Variants in NTRK1 observed in about 807,000 individuals in gnomAD.
The protein encoded by NTRK1 is neurotrophic receptor tyrosine kinase 1.
A neutral mutation model predicts 86.8 loss-of-function variants in NTRK1; 62 were observed. That is an observed-to-expected ratio of 0.71 (90% CI 0.58 to 0.88). The LOEUF is 0.88. NTRK1 is among the 40% of genes least tolerant of loss of function. The pLI, the probability that NTRK1 is intolerant of heterozygous loss-of-function variation, is 0.00. For missense variants in NTRK1, 967 were observed against 1,078.4 expected (o/e 0.90, Z 1.45); for synonymous variants, 469 against 456.6 (o/e 1.03, Z -0.35).
Position 156,854,027 on chromosome 1 carries a change from G to A in NTRK1, c.51-10327G>A. On this transcript the variant is annotated intron_variant, in intron 2 of 16. Coordinates refer to the NTRK1 transcript ENST00000392302. The surrounding 1 kb of genome is among the most constrained non-coding windows in gnomAD (Gnocchi z 4.2). ...AGGCAGTGCCACGTCACGCAGATGTGGCATCTCAAAGATGACCAGTGCATA... is the reference window on the plus strand; with the variant it reads ...AGGCAGTGCCACGTCACGCAGATGTAGCATCTCAAAGATGACCAGTGCATA... The A allele has an allele frequency of 5.0e-6, 8 of 1,614,046 alleles. No homozygotes were observed. Among genetic ancestry groups the A allele is most frequent in the Non-Finnish European group, 6.8e-6 (8 of 1,179,994 alleles).
At chr1:156,869,714 A>T (rs1470782561) in intron 6 of NTRK1, among the ~76,000 whole-genome samples, 1 of 152,192 alleles carries the variant, frequency 6.6e-6, no homozygotes, top group Non-Finnish European at 1.5e-5. Flanking sequence ...TTATCCATAC[A>T]TGCCTTTGGA....
At chr1:156,827,554 ACCTGG>A (rs1188300606) in intron 1 of NTRK1, among the ~76,000 whole-genome samples, 3 of 152,192 alleles carry the variant, frequency 2.0e-5, no homozygotes, top group Admixed American at 2.0e-4. Flanking sequence ...GAACCACTGC[ACCTGG>A]CCTATTTTTA....
Position 156,840,506 on chromosome 1 carries a change from G to A in NTRK1, c.-63-1575G>A, listed in dbSNP as rs149209931. The stretch of plus-strand genomic sequence containing the variant: ...TTGCTCATCTGATTTCAAACATGTC[G>A]CTGGCCCTACCTGTCCAGAGGAGAC... On this transcript the variant is annotated intron_variant, in intron 1 of 16. Coordinates refer to the NTRK1 transcript ENST00000392302. The A allele has an allele frequency of 5.6e-4, 123 of 221,600 alleles. 2 individuals carry two copies. Among genetic ancestry groups the A allele is most frequent in the African/African-American group, 2.7e-3 (114 of 42,124 alleles). 13.7% of individuals were successfully genotyped at this position (221,600 alleles called of 1,614,324 possible).
chr1:156,838,272 C>T (rs553144799), intron 1 of NTRK1, among the ~76,000 whole-genome samples: 19 of 152,090 alleles, frequency 1.2e-4, no homozygotes, highest in Admixed American at 8.5e-4. Flanking sequence ...CACCCATTCT[C>T]GGGTGGAAGA....
At chr1:156,822,491 G>T (rs759021297) in intron 1 of NTRK1, among the ~76,000 whole-genome samples, 4 of 151,774 alleles carry the variant, frequency 2.6e-5, no homozygotes, top group Non-Finnish European at 5.9e-5. Context: ...GAGCCCAGTG[G>T]TTGGAGGCTG....
upstream of NTRK1, among the ~76,000 whole-genome samples, chr1:156,858,380 C>A (rs1167314616): frequency 6.6e-6 from 1 of 152,220 alleles, no homozygotes; most frequent in Non-Finnish European, 1.5e-5. Flanking sequence ...GGGGAACTAA[C>A]TGCTTTTCCT....
At chr1:156,847,329 G>A (rs1360335650) in intron 2 of NTRK1, among the ~76,000 whole-genome samples, 1 of 152,222 alleles carries the variant, frequency 6.6e-6, no homozygotes, top group East Asian at 1.9e-4. Context: ...GGGAAATTAA[G>A]GGGCCAGAGG....
At chr1:156,841,953 C>G (rs1298238168) in intron 1 of NTRK1, 11 of 1,547,842 alleles carry the variant, frequency 7.1e-6, no homozygotes, top group Non-Finnish European at 9.8e-6. Context: ...CCCATCCAAA[C>G]CCCTCTGCCC....
chr1:156,867,934 A>G (rs934549958), intron 4 of NTRK1, among the ~76,000 whole-genome samples, 170 bp from the exon 5 acceptor site: 22 of 152,146 alleles, frequency 1.4e-4, no homozygotes, highest in African/African-American at 4.1e-4. Flanking sequence ...CGGCCTCCCA[A>G]TGGCCTATTT....
intron 1 of NTRK1, among the ~76,000 whole-genome samples, chr1:156,820,778 G>T (rs1255242253): frequency 6.6e-6 from 1 of 152,116 alleles, no homozygotes; most frequent in Non-Finnish European, 1.5e-5. Flanking sequence ...CTCTTTTTTG[G>T]TTCCATGTGA....
chr1:156,877,279 A>G (rs1160010659), intron 14 of NTRK1, among the ~76,000 whole-genome samples: 1 of 152,254 alleles, frequency 6.6e-6, no homozygotes, highest in Non-Finnish European at 1.5e-5. Context: ...GCCTCCAAGC[A>G]TATATTGCAA....
intron 6 of NTRK1, among the ~76,000 whole-genome samples, chr1:156,870,245 A>G (rs532272712): frequency 2.2e-4 from 34 of 152,290 alleles, no homozygotes; most frequent in African/African-American, 7.7e-4. Flanking sequence ...TCTAGAAACT[A>G]CCTATACAAA....
chr1:156,825,689 A>G (rs1654299400), intron 1 of NTRK1, among the ~76,000 whole-genome samples: 2 of 152,218 alleles, frequency 1.3e-5, no homozygotes, highest in South Asian at 4.1e-4. Context: ...ACAAGTGAGA[A>G]AACTGAGATC....
chr1:156,846,697 G>A (rs773925911), intron 2 of NTRK1: 3 of 1,614,154 alleles, frequency 1.9e-6, no homozygotes, highest in Non-Finnish European at 2.5e-6. Flanking sequence ...CATCCAGCAG[G>A]TTCCAGCTCT....
In NTRK1 at chr1:156,854,087, AG is replaced by A. The variant is rs755315406; in HGVS notation, c.51-10265del. 6.2e-7 allele frequency: 1 copy of A among 1,614,114 alleles called. No homozygotes were observed. Among genetic ancestry groups the A allele is most frequent in the Non-Finnish European group, 8.5e-7 (1 of 1,180,046 alleles). On this transcript the variant is annotated intron_variant, in intron 2 of 16. Coordinates refer to the NTRK1 transcript ENST00000392302. This position sits in a 1 kb window ranked among gnomAD's most constrained non-coding sequence, Gnocchi z 4.2. ...GAGGCGCGTCCCGCGGATGACTGCT[AG>A]GTTGGGGAAGAGGTCGCGCAGGCTC... is the stretch of plus-strand genomic sequence containing the variant.
At position 156,842,202 on chromosome 1, in the gene NTRK1, T is replaced by C. The variant is rs200176126; in HGVS notation, c.50+9T>C. 207 of 1,614,080 alleles carry C rather than the reference T, an allele frequency of 1.3e-4. 1 individual carries two copies. Among genetic ancestry groups the C allele is most frequent in the Non-Finnish European group, 1.3e-5 (15 of 1,180,004 alleles). On this transcript the variant is annotated intron_variant, in intron 2 of 16. Coordinates refer to the NTRK1 transcript ENST00000392302. ...AACTTGTTGGCAGCAAGGTAGGCCA[T>C]GCCGTCTGCAATCTCACCAGCCATT...
In NTRK1 at chr1:156,854,802, A is replaced by G. The variant is rs1267017556; in HGVS notation, c.51-9552A>G. Among the ~76,000 whole-genome samples the G allele has an allele frequency of 5.9e-5, 9 of 151,922 alleles. No homozygotes were observed. The highest frequency in any genetic ancestry group is 2.1e-4 in the South Asian group (1 of 4,790). ...TCCCCAGTTCCACCCTTGTCCCTCT[A>G]TGGGCCATTCTCCACTCTGCAGCCA... On this transcript the variant is annotated intron_variant, in intron 2 of 16. Coordinates refer to the NTRK1 transcript ENST00000392302. The surrounding 1 kb of genome is among the most constrained non-coding windows in gnomAD (Gnocchi z 4.2).
chr1:156,874,188 C>A (rs2102907779), intron 8 of NTRK1, 195 bp from the exon 9 acceptor site: 3 of 949,110 alleles, frequency 3.2e-6, no homozygotes, highest in Non-Finnish European at 5.0e-6. Flanking sequence ...GACAGCCATG[C>A]AGCAGGGCAT....
At chr1:156,863,499 G>T (rs1655778168) in intron 1 of NTRK1, among the ~76,000 whole-genome samples, 1 of 151,766 alleles carries the variant, frequency 6.6e-6, no homozygotes, top group Admixed American at 6.6e-5. Flanking sequence ...TCCTCTCATT[G>T]CTCCTCTCCT....
Sources: allele counts gnomAD v4.1 joint callset (sites outside exome capture counted in the v4.1 genomes callset), GRCh38; gene constraint gnomAD v4.1.1; non-coding constraint Gnocchi (gnomAD v3.1); transcripts MANE v1.5; gene names NCBI Gene and HGNC (gene_info 2026-07-23, HGNC 2026-07-21).